The following EHD3 variants were observed in gnomAD, a reference collection of about 807,000 sequenced individuals.
The protein encoded by EHD3 is EH domain-containing protein 3.
A neutral mutation model predicts 43.0 loss-of-function variants in EHD3; 17 were observed. The observed-to-expected ratio is 0.40, with a 90% CI of 0.27 to 0.59. The LOEUF (loss-of-function observed/expected upper bound fraction) is 0.59, where lower values mean the gene tolerates loss of function less well. Among genes scored for constraint, EHD3 ranks in the 20% least tolerant of loss-of-function variants. The pLI, the probability that EHD3 is intolerant of heterozygous loss-of-function variation, is 0.49. For synonymous variants in EHD3, 313 were observed against 289.5 expected (o/e 1.08, Z -0.82); for missense variants, 594 against 705.6 (o/e 0.84, Z 1.79).
intron 3 of EHD3, among the ~76,000 whole-genome samples, chr2:31,259,134 G>C (rs546529915): frequency 6.6e-6 from 1 of 152,174 alleles, no homozygotes; most frequent in Admixed American, 6.5e-5. Context: ...GCTATGGGGA[G>C]CCAGGATGGT....
intron 1 of EHD3, among the ~76,000 whole-genome samples, chr2:31,243,460 CTTTT>C (rs1309146980): frequency 1.5e-4 from 15 of 98,466 alleles, no homozygotes; most frequent in Non-Finnish European, 2.6e-4. Flanking sequence ...TTCTTTCTTT[CTTTT>C]TTTTTTTTTG....
rs115561945 is a variant in EHD3 at position 31,236,284 on chromosome 2, G to A, written c.227+1436G>A. 4.0e-3 allele frequency among the ~76,000 whole-genome samples: 615 copies of A among 152,342 alleles called. 6 individuals carry two copies. The highest frequency in any genetic ancestry group is 0.014 in the African/African-American group (564 of 41,568). ...CCAAGTGATTTCTGAAGGAGTTTGG[G>A]AGGTGATGGGCCTGTTGGCTCTTGT... On this transcript the variant is annotated intron_variant, in intron 1 of 5. Coordinates refer to ENST00000322054, the MANE Select transcript of EHD3 (RefSeq NM_014600.3).
At chr2:31,238,500 T>C (rs2148715151) in intron 1 of EHD3, among the ~76,000 whole-genome samples, 1 of 152,364 alleles carries the variant, frequency 6.6e-6, no homozygotes, top group African/African-American at 2.4e-5. Flanking sequence ...TTCCCCGGCC[T>C]AAGGCCCGGC....
At position 31,234,527 on chromosome 2, in the gene EHD3, C is replaced by A; in HGVS notation, c.-95C>A. ...CCCGCGCTTGGGTGAGGCGGCGGCG[C>A]GGCTCGGAGCCCGGCGGACCGGTCC... On this transcript the variant is annotated 5_prime_UTR_variant, in exon 1 of 6. Coordinates refer to ENST00000322054, the MANE Select transcript of EHD3 (RefSeq NM_014600.3). 1.4e-6 allele frequency: 2 copies of A among 1,424,052 alleles called. No homozygotes were observed. The highest frequency in any genetic ancestry group is 1.9e-6 in the Non-Finnish European group (2 of 1,045,580). The allele number at this position is 1,424,052 out of a possible 1,614,324, so 88.2% of individuals were successfully genotyped here. A position where few individuals can be genotyped will look rare whatever the true frequency, so the allele number is the denominator to read the frequency against.
rs114314032 is a variant in EHD3 at position 31,262,232 on chromosome 2, T to C, written c.1080+519T>C. Among the ~76,000 whole-genome samples the C allele has an allele frequency of 5.7e-3, 865 of 152,334 alleles. 10 individuals carry two copies. Among genetic ancestry groups the C allele is most frequent in the African/African-American group, 0.02 (823 of 41,586 alleles). Reference sequence around the variant, plus strand: ...CCATCACACATGGTTTCTTACGGTTTTCCCCAAAGCACTCATCAGAGGGAG... The same window carrying C: ...CCATCACACATGGTTTCTTACGGTTCTCCCCAAAGCACTCATCAGAGGGAG... On this transcript the variant is annotated intron_variant, in intron 5 of 5. Transcript: ENST00000322054.
chr2:31,235,240 C>T (rs897355671), intron 1 of EHD3, among the ~76,000 whole-genome samples: 1 of 152,114 alleles, frequency 6.6e-6, no homozygotes, highest in Admixed American at 6.5e-5. Context: ...ACATCATTCA[C>T]GGGCAAAACC....
chr2:31,255,827 GAA>G (rs758890020), intron 3 of EHD3, among the ~76,000 whole-genome samples: 2 of 152,136 alleles, frequency 1.3e-5, no homozygotes, highest in African/African-American at 4.8e-5. Flanking sequence ...TAAAATCACG[GAA>G]AGAGTTCCCA....
In EHD3 at chr2:31,234,534, G is replaced by A; in HGVS notation, c.-88G>A. 1 of 1,476,946 alleles carries A rather than the reference G, an allele frequency of 6.8e-7. No individual in the cohort carries two copies. The highest frequency in any genetic ancestry group is 9.2e-7 in the Non-Finnish European group (1 of 1,087,038). The allele number at this position is 1,476,946 out of a possible 1,614,324, so 91.5% of individuals were successfully genotyped here. ...TTGGGTGAGGCGGCGGCGCGGCTCG[G>A]AGCCCGGCGGACCGGTCCTACGGGA... On this transcript the variant is annotated 5_prime_UTR_variant, in exon 1 of 6. Transcript: ENST00000322054.
chr2:31,260,703 G>A lies in EHD3; in HGVS notation c.696G>A (p.Val232=), dbSNP rs1683835499. The A allele has an allele frequency of 6.2e-7, 1 of 1,614,214 alleles. No homozygotes were observed. Among genetic ancestry groups the A allele is most frequent in the Non-Finnish European group, 8.5e-7 (1 of 1,180,036 alleles). Residue 232 remains valine (V), a synonymous_variant, in exon 4 of 6, where the codon GTG becomes GTA. Transcript: ENST00000322054. This position sits in a 1 kb window ranked among gnomAD's most constrained non-coding sequence, Gnocchi z 4.6. ...DQIETQQLMR[V]YGALMWSLGK... is the part of the protein sequence containing the mutation. ...TCGAGACGCAGCAGCTGATGCGGGT[G>A]TACGGGGCCCTCATGTGGTCCTTGG... is the stretch of plus-strand genomic sequence containing the variant.
At chr2:31,234,922 C>T in intron 1 of EHD3, 74 bp downstream of exon 1, 2 of 1,408,162 alleles carry the variant, frequency 1.4e-6, no homozygotes, top group Non-Finnish European at 2.0e-6. Flanking sequence ...CCTGGTGCTC[C>T]ATCCCAGACA....
chr2:31,258,380 G>A (rs543783787), intron 3 of EHD3, among the ~76,000 whole-genome samples: 14 of 152,154 alleles, frequency 9.2e-5, no homozygotes, highest in Non-Finnish European at 1.5e-4. Context: ...CCCACTGGGT[G>A]TTCACTAGAT....
At chr2:31,248,777 A>G (rs1683577736) in intron 2 of EHD3, among the ~76,000 whole-genome samples, 1 of 152,178 alleles carries the variant, frequency 6.6e-6, no homozygotes, top group South Asian at 2.1e-4. Context: ...TTTACAAATG[A>G]GGACATAAAC....
chr2:31,244,979 A>G (rs1683491762), intron 2 of EHD3, among the ~76,000 whole-genome samples: 1 of 152,162 alleles, frequency 6.6e-6, no homozygotes, highest in Admixed American at 6.5e-5. Context: ...TGCAGATACC[A>G]AGATCATCAT....
At chr2:31,245,544 TATATATATA>T (rs1320442018) in intron 2 of EHD3, among the ~76,000 whole-genome samples, 54 of 54,568 alleles carry the variant, frequency 9.9e-4, no homozygotes, top group African/African-American at 2.7e-3. Flanking sequence ...TATATATATA[TATATATATA>T]TTTTTTTTTT....
chr2:31,260,931 G>A lies in EHD3; in HGVS notation c.915+9G>A, dbSNP rs1467478921. 6.3e-7 allele frequency: 1 copy of A among 1,590,564 alleles called. No individual in the cohort carries two copies. On this transcript the variant is annotated intron_variant, in intron 4 of 5. Transcript: ENST00000322054. The surrounding 1 kb of genome is among the most constrained non-coding windows in gnomAD (Gnocchi z 4.6). Reference sequence around the variant, plus strand: ...GGGCCAGGCTGGCCAAGGTGAGGCAGCCCCCTGGGAGGTGGGCAGCTTGGG... The same window carrying A: ...GGGCCAGGCTGGCCAAGGTGAGGCAACCCCCTGGGAGGTGGGCAGCTTGGG...
At chr2:31,244,235 G>T (rs746947968) in intron 1 of EHD3, 39 bp from the exon 2 acceptor site, 2 of 1,585,770 alleles carry the variant, frequency 1.3e-6, no homozygotes, top group Non-Finnish European at 1.7e-6. Flanking sequence ...TGATCTTTGC[G>T]CAGAACGCCT....
At chr2:31,258,782 A>G (rs1311552461) in intron 3 of EHD3, among the ~76,000 whole-genome samples, 2 of 152,340 alleles carry the variant, frequency 1.3e-5, no homozygotes, top group South Asian at 4.1e-4. Flanking sequence ...AGTGGTATTC[A>G]AAGTGTGGCC....
At chr2:31,253,010 A>T (rs187511986) in intron 3 of EHD3, among the ~76,000 whole-genome samples, 80 of 152,222 alleles carry the variant, frequency 5.3e-4, no homozygotes, top group African/African-American at 1.9e-3. Flanking sequence ...ACCCTCAGTT[A>T]TCTGTGGTAC....
At chr2:31,245,735 G>GTTTTTT (rs765195110) in intron 2 of EHD3, among the ~76,000 whole-genome samples, 7 of 68,316 alleles carry the variant, frequency 1.0e-4, no homozygotes, top group African/African-American at 2.3e-4. Flanking sequence ...CTAATTTTGT[G>GTTTTTT]TTTTTTTTTT....
Sources: allele counts gnomAD v4.1 joint callset (sites outside exome capture counted in the v4.1 genomes callset), GRCh38; gene constraint gnomAD v4.1.1; non-coding constraint Gnocchi (gnomAD v3.1); transcripts MANE v1.5; gene names NCBI Gene and HGNC (gene_info 2026-07-23, HGNC 2026-07-21).